Variants in CPQ observed in about 807,000 individuals in gnomAD.
CPQ encodes Ser-Met dipeptidase.
CPQ carries 37 observed loss-of-function variants against 45.7 expected under a neutral mutation model. That is an observed-to-expected ratio of 0.81 (90% CI 0.62 to 1.07). The LOEUF (loss-of-function observed/expected upper bound fraction) is 1.07. CPQ is among the 50% of genes least tolerant of loss of function. The probability of loss-of-function intolerance (pLI) is 0.00; values close to 1 mark genes in which losing one functional copy is unlikely to be tolerated. For missense variants in CPQ, 537 were observed against 572.9 expected (o/e 0.94, Z 0.64); for synonymous variants, 186 against 205.8 (o/e 0.90, Z 0.82).
chr8:96,912,357 G>A (rs1467311091), intron 4 of CPQ, among the ~76,000 whole-genome samples: 2 of 152,062 alleles, frequency 1.3e-5, no homozygotes, highest in Non-Finnish European at 2.9e-5. Flanking sequence ...TCTTTCTATT[G>A]TCTTGTATGC....
At chr8:96,742,161 G>C (rs1272060785) in intron 1 of CPQ, among the ~76,000 whole-genome samples, 1 of 150,816 alleles carries the variant, frequency 6.6e-6, no homozygotes, top group Non-Finnish European at 1.5e-5. Context: ...GGGTGCTCCT[G>C]TATTGGGTGC....
At chr8:96,684,858 G>A (rs1157255492) in intron 1 of CPQ, among the ~76,000 whole-genome samples, 1 of 152,118 alleles carries the variant, frequency 6.6e-6, no homozygotes, top group Non-Finnish European at 1.5e-5. Context: ...CCAGCACTTT[G>A]GGAGGCTGAG....
chr8:96,647,389 A>T (rs1815530388), intron 1 of CPQ, among the ~76,000 whole-genome samples: 1 of 152,194 alleles, frequency 6.6e-6, no homozygotes, highest in African/African-American at 2.4e-5. Flanking sequence ...TGGGGCACTG[A>T]CCATACACCA....
intron 7 of CPQ, among the ~76,000 whole-genome samples, chr8:97,111,536 C>G (rs942290235): frequency 6.6e-6 from 1 of 152,182 alleles, no homozygotes; most frequent in African/African-American, 2.4e-5. Flanking sequence ...GTCCCTTGTT[C>G]ACAACGAGCC....
At chr8:96,868,590 TTAAAG>T (rs1208624597) in intron 3 of CPQ, among the ~76,000 whole-genome samples, 13 of 152,050 alleles carry the variant, frequency 8.5e-5, no homozygotes, top group African/African-American at 2.9e-4. Flanking sequence ...AATAGAAATT[TTAAAG>T]TAAAGACTGA....
intron 4 of CPQ, among the ~76,000 whole-genome samples, chr8:96,883,668 C>T (rs1289120765): frequency 6.6e-6 from 1 of 152,044 alleles, no homozygotes; most frequent in Non-Finnish European, 1.5e-5. Context: ...GCATGAAGTC[C>T]CTCTGCAGGT....
chr8:96,885,860 C>T (rs1439884375), intron 4 of CPQ, among the ~76,000 whole-genome samples: 2 of 151,934 alleles, frequency 1.3e-5, no homozygotes, highest in East Asian at 1.9e-4. Flanking sequence ...GGTGTGGTGG[C>T]GGGCGCCTGT....
At chr8:97,003,723 G>A (rs556447030) in intron 5 of CPQ, among the ~76,000 whole-genome samples, 93 of 152,234 alleles carry the variant, frequency 6.1e-4, no homozygotes, top group African/African-American at 2.2e-3. Flanking sequence ...CTTGGAAGGG[G>A]CCTTTAAAAT....
chr8:96,729,932 T>C (rs1195019878), intron 1 of CPQ, among the ~76,000 whole-genome samples: 1 of 152,174 alleles, frequency 6.6e-6, no homozygotes, highest in Non-Finnish European at 1.5e-5. Flanking sequence ...GTCTCATCTT[T>C]TGGATTTGTC....
intron 7 of CPQ, among the ~76,000 whole-genome samples, chr8:97,086,578 T>C (rs917494961): frequency 6.6e-6 from 1 of 152,168 alleles, no homozygotes. Context: ...TTAGCTCATA[T>C]AGGCTTTACA....
chr8:97,045,141 C>T, intron 6 of CPQ, among the ~76,000 whole-genome samples: 1 of 152,218 alleles, frequency 6.6e-6, no homozygotes, highest in Non-Finnish European at 1.5e-5. Context: ...GGGCTCCACC[C>T]AGTTCGAGCT....
intron 5 of CPQ, among the ~76,000 whole-genome samples, chr8:96,984,768 T>C (rs1259527853): frequency 6.6e-6 from 1 of 152,210 alleles, no homozygotes; most frequent in African/African-American, 2.4e-5. Context: ...ATACTGGGGA[T>C]CATAATAGTA....
At chr8:97,007,308 T>C (rs1012732496) in intron 5 of CPQ, among the ~76,000 whole-genome samples, 1 of 152,212 alleles carries the variant, frequency 6.6e-6, no homozygotes, top group African/African-American at 2.4e-5. Flanking sequence ...GTTAGATCTT[T>C]ATCTTTGAGT....
chr8:97,119,987 G>T (rs1365411661), intron 7 of CPQ, among the ~76,000 whole-genome samples: 2 of 152,186 alleles, frequency 1.3e-5, no homozygotes, highest in Non-Finnish European at 2.9e-5. Context: ...GGTTTACAGA[G>T]CAAATACCAA....
At chr8:96,783,349 T>C (rs980986521) in intron 1 of CPQ, among the ~76,000 whole-genome samples, 2 of 151,986 alleles carry the variant, frequency 1.3e-5, no homozygotes, top group Non-Finnish European at 2.9e-5. Flanking sequence ...TAGCTCGTGG[T>C]TCTGCAGGCT....
At position 96,647,602 on chromosome 8, in the gene CPQ, G is replaced by A. The variant is rs138255614; in HGVS notation, c.-35+2200G>A. The stretch of plus-strand genomic sequence containing the variant: ...CAAGACAATCCTGCCAGGAAAAACT[G>A]TGTGACTTTGAAGAATGTGGTCTCT... On this transcript the variant is annotated intron_variant, in intron 1 of 7. Coordinates refer to ENST00000220763, the MANE Select transcript of CPQ (RefSeq NM_016134.4). 2.6e-3 allele frequency among the ~76,000 whole-genome samples: 399 copies of A among 152,258 alleles called. 2 individuals are homozygous for A. Among genetic ancestry groups the A allele is most frequent in the African/African-American group, 9.2e-3 (383 of 41,538 alleles).
intron 7 of CPQ, among the ~76,000 whole-genome samples, chr8:97,082,453 C>A (rs1249507840): frequency 1.3e-5 from 2 of 152,118 alleles, no homozygotes; most frequent in Admixed American, 6.6e-5. Flanking sequence ...ATACAATAAC[C>A]AGCTTTGTTT....
intron 6 of CPQ, among the ~76,000 whole-genome samples, chr8:97,053,004 C>T (rs1030076747): frequency 2.6e-5 from 4 of 152,148 alleles, no homozygotes; most frequent in Non-Finnish European, 5.9e-5. Flanking sequence ...AAAACAGATT[C>T]TGAAAAACTG....
intron 3 of CPQ, 38 bp downstream of exon 3, chr8:96,835,218 A>G (rs755747588): frequency 7.2e-7 from 1 of 1,394,076 alleles, no homozygotes; most frequent in East Asian, 2.6e-5. Flanking sequence ...TTTCAAAAAC[A>G]AGGGTTTTCC....
Sources: allele counts gnomAD v4.1 joint callset (sites outside exome capture counted in the v4.1 genomes callset), GRCh38; gene constraint gnomAD v4.1.1; transcripts MANE v1.5; gene names NCBI Gene and HGNC (gene_info 2026-07-23, HGNC 2026-07-21).